FARS2: variants seen among roughly 807,000 people sequenced by gnomAD.
FARS2 encodes the protein phenylalanyl-tRNA synthetase 2, mitochondrial.
FARS2 carries 40 observed loss-of-function variants against 46.4 expected under a neutral mutation model. That is an observed-to-expected ratio of 0.86 (90% CI 0.67 to 1.12). FARS2 has a LOEUF of 1.12. Ranked by LOEUF, FARS2 falls within the 50% of genes most tolerant of loss-of-function variation. FARS2 has a pLI of 0.00. For synonymous variants in FARS2, 234 were observed against 214.9 expected (o/e 1.09, Z -0.78); for missense variants, 513 against 567.9 (o/e 0.90, Z 0.98).
intron 6 of FARS2, among the ~76,000 whole-genome samples, chr6:5,651,721 T>G (rs1016773547): frequency 6.6e-6 from 1 of 152,178 alleles, no homozygotes; most frequent in Non-Finnish European, 1.5e-5. Context: ...GTTCTAAGCA[T>G]GTGTGTATTA....
intron 1 of FARS2, among the ~76,000 whole-genome samples, chr6:5,292,076 G>A (rs1767545157): frequency 6.6e-6 from 1 of 152,172 alleles, no homozygotes; most frequent in South Asian, 2.1e-4. Context: ...AGTGGGGGTT[G>A]TCAGAATGAA....
intron 3 of FARS2, among the ~76,000 whole-genome samples, chr6:5,406,907 C>T (rs1036195515): frequency 6.6e-6 from 1 of 151,514 alleles, no homozygotes; most frequent in African/African-American, 2.4e-5. Flanking sequence ...TAGGGTTAGT[C>T]ATTTTAATTG....
intron 3 of FARS2, among the ~76,000 whole-genome samples, chr6:5,428,063 G>T (rs987933616): frequency 6.6e-6 from 1 of 152,166 alleles, no homozygotes; most frequent in Non-Finnish European, 1.5e-5. Context: ...GTGTAAACAG[G>T]GACCTGTCTC....
intron 4 of FARS2, among the ~76,000 whole-genome samples, chr6:5,497,653 G>A (rs563272907): frequency 6.6e-6 from 1 of 152,066 alleles, no homozygotes; most frequent in East Asian, 1.9e-4. Context: ...GAATGCCAAT[G>A]GTATCATTCA....
chr6:5,345,698 G>A (rs1757185033), intron 1 of FARS2, among the ~76,000 whole-genome samples: 1 of 152,154 alleles, frequency 6.6e-6, no homozygotes, highest in South Asian at 2.1e-4. Context: ...CAGGAAAGTG[G>A]CTTGAACTTT....
At chr6:5,316,689 C>T (rs927255744) in intron 1 of FARS2, among the ~76,000 whole-genome samples, 5 of 152,282 alleles carry the variant, frequency 3.3e-5, no homozygotes, top group East Asian at 1.9e-4. Context: ...GGCCCAGAGC[C>T]GCCACACTTT....
At chr6:5,572,639 T>A (rs1772723304) in intron 5 of FARS2, among the ~76,000 whole-genome samples, 2 of 152,064 alleles carry the variant, frequency 1.3e-5, no homozygotes, top group African/African-American at 4.8e-5. Flanking sequence ...GTAGCCTCAT[T>A]TTATTCCAGG....
intron 4 of FARS2, among the ~76,000 whole-genome samples, chr6:5,467,792 G>C (rs1266943050): frequency 6.6e-6 from 1 of 152,106 alleles, no homozygotes; most frequent in African/African-American, 2.4e-5. Flanking sequence ...TGATTTCTAA[G>C]ATGACTTATG....
intron 1 of FARS2, among the ~76,000 whole-genome samples, chr6:5,298,577 A>C (rs957407748): frequency 2.0e-5 from 3 of 152,140 alleles, no homozygotes; most frequent in African/African-American, 7.2e-5. Flanking sequence ...CCACCTGGGG[A>C]GCTTAGAAAA....
intron 1 of FARS2, among the ~76,000 whole-genome samples, chr6:5,300,420 AT>A: frequency 6.6e-6 from 1 of 152,156 alleles, no homozygotes; most frequent in African/African-American, 2.4e-5. Context: ...GGTGATCCTT[AT>A]TTTGTTTTTT....
chr6:5,356,991 C>G (rs1317472215), intron 1 of FARS2, among the ~76,000 whole-genome samples: 3 of 150,484 alleles, frequency 2.0e-5, no homozygotes, highest in African/African-American at 7.3e-5. Flanking sequence ...TATGATGGGG[C>G]TGTTTGGGGT....
intron 6 of FARS2, among the ~76,000 whole-genome samples, chr6:5,674,771 G>A (rs937430881): frequency 2.0e-5 from 3 of 152,140 alleles, no homozygotes; most frequent in African/African-American, 7.2e-5. Flanking sequence ...TCTGGGAGCA[G>A]TACTATTTTT....
intron 4 of FARS2, among the ~76,000 whole-genome samples, chr6:5,472,906 G>A (rs898780374): frequency 2.6e-5 from 4 of 152,118 alleles, no homozygotes; most frequent in African/African-American, 9.7e-5. Context: ...AATACAGAGA[G>A]CACACATTCA....
intron 1 of FARS2, among the ~76,000 whole-genome samples, chr6:5,264,366 A>G (rs758275495): frequency 2.0e-4 from 30 of 152,244 alleles, no homozygotes; most frequent in Admixed American, 1.3e-4. Flanking sequence ...AAGGGGGAAG[A>G]CCTTAGATAT....
intron 5 of FARS2, among the ~76,000 whole-genome samples, chr6:5,549,735 A>G (rs1771259854): frequency 1.3e-5 from 2 of 152,190 alleles, no homozygotes; most frequent in South Asian, 2.1e-4. Flanking sequence ...ATATAAGGTA[A>G]TGTATTTCTA....
At chr6:5,301,716 AT>A (rs889806790) in intron 1 of FARS2, among the ~76,000 whole-genome samples, 14 of 151,158 alleles carry the variant, frequency 9.3e-5, no homozygotes, top group Admixed American at 2.0e-4. Context: ...ATATCAAACA[AT>A]TTTTTTTTAA....
chr6:5,270,004 G>A (rs908087020), intron 1 of FARS2, among the ~76,000 whole-genome samples: 6 of 152,186 alleles, frequency 3.9e-5, no homozygotes, highest in African/African-American at 1.4e-4. Flanking sequence ...CAATATTTAA[G>A]AGTTATAAAA....
At chr6:5,265,712 A>G (rs1404781770) in intron 1 of FARS2, among the ~76,000 whole-genome samples, 1 of 152,214 alleles carries the variant, frequency 6.6e-6, no homozygotes, top group Non-Finnish European at 1.5e-5. Flanking sequence ...GCATTTGTAT[A>G]TGATTAAAAT....
chr6:5,338,213 C>T (rs1771296634), intron 1 of FARS2, among the ~76,000 whole-genome samples: 2 of 152,068 alleles, frequency 1.3e-5, no homozygotes, highest in Admixed American at 1.3e-4. Context: ...ATTTTTTCCA[C>T]TAGATTCAGG....
Sources: gnomAD v4.1 joint callset for allele counts (sites outside exome capture counted in the v4.1 genomes callset) on GRCh38, gnomAD v4.1.1 for gene constraint, MANE v1.5 for transcripts, NCBI Gene and HGNC (gene_info 2026-07-23, HGNC 2026-07-21) for gene names.